GFOD1: variants seen among roughly 807,000 people sequenced by gnomAD.
The protein encoded by GFOD1 is glucose-fructose oxidoreductase domain-containing protein 1.
A neutral mutation model predicts 25.4 loss-of-function variants in GFOD1; 9 were observed. The ratio of observed to expected loss-of-function variants is 0.35; its 90% CI spans 0.21 to 0.62. The LOEUF is 0.62. Among genes scored for constraint, GFOD1 ranks in the 20% least tolerant of loss-of-function variants. GFOD1 has a pLI of 0.72. For missense variants in GFOD1, 403 were observed against 556.9 expected, an observed-to-expected ratio of 0.72 and a Z score of 2.78; for synonymous variants, 253 against 245.6, an observed-to-expected ratio of 1.03 and a Z score of -0.28.
intron 1 of GFOD1, among the ~76,000 whole-genome samples, chr6:13,405,630 A>C (rs1384331031): frequency 1.3e-5 from 2 of 152,204 alleles, no homozygotes; most frequent in East Asian, 3.8e-4. Context: ...TCTACATTAG[A>C]AAATATGTAA....
intron 1 of GFOD1, among the ~76,000 whole-genome samples, chr6:13,370,458 CG>C (rs1785128428): frequency 3.9e-5 from 6 of 152,008 alleles, no homozygotes; most frequent in Admixed American, 3.9e-4. Context: ...GAACCCAAAA[CG>C]CAGAGCCAGC....
intron 1 of GFOD1, chr6:13,469,517 C>G (rs1758440792): frequency 9.9e-7 from 1 of 1,012,578 alleles, no homozygotes; most frequent in Non-Finnish European, 1.2e-6. Context: ...TTCATACAGA[C>G]CATTGATACT....
chr6:13,469,053 G>A (rs1373439557), intron 1 of GFOD1, among the ~76,000 whole-genome samples: 1 of 152,154 alleles, frequency 6.6e-6, no homozygotes, highest in Non-Finnish European at 1.5e-5. Context: ...TGGCCACAGG[G>A]CATTGTGACA....
intron 1 of GFOD1, among the ~76,000 whole-genome samples, chr6:13,457,415 G>A (rs1308964000): frequency 6.6e-6 from 1 of 152,192 alleles, no homozygotes; most frequent in South Asian, 2.1e-4. Flanking sequence ...AGCACCAGGA[G>A]CACCCAATAT....
chr6:13,412,157 A>G (rs1786088092), intron 1 of GFOD1, among the ~76,000 whole-genome samples: 1 of 152,222 alleles, frequency 6.6e-6, no homozygotes, highest in African/African-American at 2.4e-5. Flanking sequence ...GTGTCCCTCT[A>G]AAATTCATAT....
At chr6:13,423,682 G>A (rs754084065) in intron 1 of GFOD1, among the ~76,000 whole-genome samples, 1 of 152,120 alleles carries the variant, frequency 6.6e-6, no homozygotes, top group Admixed American at 6.5e-5. Flanking sequence ...AGCAGAACCG[G>A]GGGTGGGCCC....
At chr6:13,408,525 G>A (rs1465553085) in intron 1 of GFOD1, among the ~76,000 whole-genome samples, 1 of 152,160 alleles carries the variant, frequency 6.6e-6, no homozygotes, top group Non-Finnish European at 1.5e-5. Flanking sequence ...GAGGAGCTCA[G>A]GTGAACAACT....
At chr6:13,407,057 G>A (rs950513425) in intron 1 of GFOD1, among the ~76,000 whole-genome samples, 1 of 152,118 alleles carries the variant, frequency 6.6e-6, no homozygotes, top group African/African-American at 2.4e-5. Context: ...ACTTTCCATG[G>A]TGCACCCTCC....
intron 1 of GFOD1, among the ~76,000 whole-genome samples, chr6:13,427,535 C>T (rs987002229): frequency 2.6e-5 from 4 of 152,110 alleles, no homozygotes; most frequent in East Asian, 3.8e-4. Flanking sequence ...CCTCTAGTCC[C>T]GCCTACTCAG....
chr6:13,473,374 A>T (rs1402944730), intron 1 of GFOD1, among the ~76,000 whole-genome samples: 1 of 152,234 alleles, frequency 6.6e-6, no homozygotes, highest in Non-Finnish European at 1.5e-5. Context: ...CTGTCTTGAC[A>T]GCATTACTAG....
intron 1 of GFOD1, among the ~76,000 whole-genome samples, chr6:13,465,989 G>A (rs937345505): frequency 6.6e-6 from 1 of 152,170 alleles, no homozygotes; most frequent in African/African-American, 2.4e-5. Context: ...AGCCTAGGTT[G>A]GATCTTAGGA....
intron 1 of GFOD1, among the ~76,000 whole-genome samples, chr6:13,366,646 T>TA (rs1554198892): frequency 1.8e-4 from 28 of 151,724 alleles, no homozygotes; most frequent in African/African-American, 6.8e-4. Context: ...TTTTTTTTTT[T>TA]AAAAGAGATG....
chr6:13,466,350 C>T lies in GFOD1; in HGVS notation c.253+20288G>A, dbSNP rs138330141. 5.3e-5 allele frequency among the ~76,000 whole-genome samples: 8 copies of T among 152,348 alleles called. No individual in the cohort carries two copies. In the East Asian group the frequency reaches 1.2e-3, roughly 22 times the overall value. On this transcript the variant is annotated intron_variant, in intron 1 of 1. Coordinates refer to ENST00000379287, the MANE Select transcript of GFOD1 (RefSeq NM_018988.4). ...ACCCTCTCTGGGTTTTACATTTATA[C>T]TGGCCTGGTGAGGTCCACTAATTCT...
At chr6:13,386,236 G>A (rs1157935129) in intron 1 of GFOD1, among the ~76,000 whole-genome samples, 1 of 151,886 alleles carries the variant, frequency 6.6e-6, no homozygotes, top group East Asian at 1.9e-4. Context: ...AGAATCCTCG[G>A]TTCCCTTGTA....
chr6:13,416,049 G>T (rs1301493030), intron 1 of GFOD1, among the ~76,000 whole-genome samples: 1 of 152,184 alleles, frequency 6.6e-6, no homozygotes, highest in Non-Finnish European at 1.5e-5. Context: ...GATAAAGGGG[G>T]TGGTTTCCCC....
chr6:13,410,005 G>GTT (rs56252038), intron 1 of GFOD1, among the ~76,000 whole-genome samples: 76,043 of 121,450 alleles, frequency 0.63, 24,956 homozygotes, highest in South Asian at 0.72. Flanking sequence ...CGGATTTTTA[G>GTT]TTTTTTTTTT....
intron 1 of GFOD1, among the ~76,000 whole-genome samples, chr6:13,431,693 T>C (rs539781395): frequency 4.3e-4 from 65 of 152,306 alleles, no homozygotes; most frequent in African/African-American, 1.4e-3. Flanking sequence ...TTTTCATCTG[T>C]GATGAGAAAG....
intron 1 of GFOD1, among the ~76,000 whole-genome samples, chr6:13,406,469 G>A (rs926534406): frequency 1.2e-4 from 19 of 152,136 alleles, no homozygotes; most frequent in African/African-American, 2.7e-4. Flanking sequence ...CTGTATTCAC[G>A]TTAGGACTGT....
chr6:13,376,415 G>A (rs1162532093), intron 1 of GFOD1, among the ~76,000 whole-genome samples: 1 of 152,058 alleles, frequency 6.6e-6, no homozygotes, highest in Non-Finnish European at 1.5e-5. Flanking sequence ...CCATTCTTGA[G>A]CCTACACCAC....
Sources: gnomAD v4.1 joint callset for allele counts (sites outside exome capture counted in the v4.1 genomes callset) on GRCh38, gnomAD v4.1.1 for gene constraint, MANE v1.5 for transcripts, NCBI Gene and HGNC (gene_info 2026-07-23, HGNC 2026-07-21) for gene names.